Variants in FUT8 observed in about 807,000 individuals in gnomAD.
The protein encoded by FUT8 is alpha-(1,6)-fucosyltransferase.
In FUT8, 29 loss-of-function variants were observed where a neutral mutation model predicts 71.3. That is an observed-to-expected ratio of 0.41 (90% CI 0.30 to 0.55). The LOEUF (loss-of-function observed/expected upper bound fraction) is 0.55, where lower values mean the gene tolerates loss of function less well. Ranked by LOEUF, FUT8 falls within the 20% of genes least tolerant of loss-of-function variation. The pLI is 0.34. For synonymous variants in FUT8, 254 were observed against 239.3 expected (o/e 1.06, Z -0.57); for missense variants, 544 against 702.1 (o/e 0.77, Z 2.55).
chr14:65,500,552 A>G (rs1367584885), intron 2 of FUT8, among the ~76,000 whole-genome samples: 1 of 152,230 alleles, frequency 6.6e-6, no homozygotes, highest in Non-Finnish European at 1.5e-5. Flanking sequence ...ACAGCTGGTT[A>G]GAACTCTTAA....
chr14:65,422,396 T>A (rs1193495187), intron 1 of FUT8, among the ~76,000 whole-genome samples: 3 of 152,168 alleles, frequency 2.0e-5, no homozygotes, highest in Non-Finnish European at 4.4e-5. Flanking sequence ...TCCTGGTGCT[T>A]TTTCTCTTCC....
In FUT8 at chr14:65,421,741, C is replaced by CCCCT. The variant is rs1555359430; in HGVS notation, c.-326+8530_-326+8531insTCCC. Among the ~76,000 whole-genome samples the CCCCT allele has an allele frequency of 1.1e-4, 6 of 53,850 alleles. 1 individual carries two copies. Among genetic ancestry groups the CCCCT allele is most frequent in the African/African-American group, 3.3e-4 (6 of 18,432 alleles). The allele number at this position is 53,850 out of a possible 152,430, so 35.3% of individuals were successfully genotyped here. On this transcript the variant is annotated intron_variant, in intron 1 of 10. Transcript: ENST00000673929. ...TGTATCTTGAAACCCTTTAACCCAC[C>CCCCT]CCCCCCTTTTTTTTTTTTTGCCATA...
At chr14:65,513,847 T>C (rs1882525382) in intron 2 of FUT8, among the ~76,000 whole-genome samples, 1 of 152,230 alleles carries the variant, frequency 6.6e-6, no homozygotes, top group Non-Finnish European at 1.5e-5. Flanking sequence ...TAGGGTTTGT[T>C]TTACATGCAT....
rs79363728 is a variant in FUT8, at chr14:65,700,738, T to C, written c.836-21037T>C. On this transcript the variant is annotated intron_variant, in intron 7 of 10. Transcript: ENST00000673929. ...CAATGAAAGGGTCCTAGTTCTAAGATTTAATGAACACATTCTTGAACCCCC... is the reference window on the plus strand; with the variant it reads ...CAATGAAAGGGTCCTAGTTCTAAGACTTAATGAACACATTCTTGAACCCCC... Among the ~76,000 whole-genome samples the C allele has an allele frequency of 4.9e-3, 754 of 152,342 alleles. 8 individuals carry two copies. The highest frequency in any genetic ancestry group is 0.017 in the African/African-American group (716 of 41,584).
chr14:65,474,456 A>AAAAAAAAAAAAAAAAAAAAAAAAAAC (rs1169769207), intron 2 of FUT8, among the ~76,000 whole-genome samples: 5 of 147,894 alleles, frequency 3.4e-5, no homozygotes, highest in Admixed American at 6.8e-5. Context: ...AAAAAAAAAA[A>AAAAAAAAAAAAAAAAAAAAAAAAAAC]AGCCAGGCGT....
intron 3 of FUT8, among the ~76,000 whole-genome samples, chr14:65,595,602 CTTTTT>C (rs34129010): frequency 3.7e-5 from 3 of 81,758 alleles, no homozygotes; most frequent in East Asian, 3.8e-4. Flanking sequence ...ACACCATTCT[CTTTTT>C]TTTTTTTTTT....
intron 3 of FUT8, among the ~76,000 whole-genome samples, chr14:65,594,506 C>G (rs1887859114): frequency 6.6e-6 from 1 of 152,174 alleles, no homozygotes; most frequent in Non-Finnish European, 1.5e-5. Context: ...TCCTTTGCCT[C>G]ATTGCATTGG....
chr14:65,685,245 C>G (rs1012955829), intron 7 of FUT8, among the ~76,000 whole-genome samples: 3 of 151,918 alleles, frequency 2.0e-5, no homozygotes, highest in African/African-American at 7.3e-5. Flanking sequence ...TTTCCTAATT[C>G]AAAAAGGAGA....
chr14:65,561,792 A>G (rs748992848), intron 3 of FUT8, 26 bp downstream of exon 3: 4 of 1,561,794 alleles, frequency 2.6e-6, no homozygotes, highest in Non-Finnish European at 1.8e-6. Context: ...CTGAATGAAG[A>G]ATGATGAAAT....
chr14:65,742,239 T>C lies in FUT8; in HGVS notation c.1557T>C (p.Asp519=), dbSNP rs372757850. The change falls in exon 11 of 11, where the codon GAT becomes GAC. Residue 519 remains aspartate, a synonymous_variant. Coordinates refer to ENST00000673929, the MANE Select transcript of FUT8 (RefSeq NM_001371533.1). ...ATGCTCACCAACCCCGAACTGCAGA[T>C]GAAATTCCCATGGAACCTGGAGATA... is the stretch of plus-strand genomic sequence containing the variant. ...AIYAHQPRTA[D]EIPMEPGDII... 6 of 1,612,844 alleles carry C rather than the reference T, an allele frequency of 3.7e-6. No individual in the cohort carries two copies. In the African/African-American group the frequency reaches 8.0e-5, roughly 22 times the overall value.
intron 2 of FUT8, among the ~76,000 whole-genome samples, chr14:65,517,173 A>G (rs562697202): frequency 7.2e-5 from 11 of 152,120 alleles, no homozygotes; most frequent in African/African-American, 2.4e-4. Flanking sequence ...TCTGCCATGA[A>G]CTTTGGTATG....
intron 2 of FUT8, among the ~76,000 whole-genome samples, chr14:65,494,091 T>TTA (rs1462622100): frequency 1.3e-5 from 2 of 152,142 alleles, no homozygotes; most frequent in East Asian, 3.8e-4. Flanking sequence ...GGTCATTAGT[T>TTA]TATAGTCCAG....
In FUT8 at chr14:65,561,787, T is replaced by C. The variant is rs3825639; in HGVS notation, c.203+21T>C. 1,096,365 of 1,579,590 alleles carry C rather than the reference T, an allele frequency of 0.69. 382,627 individuals are homozygous for C. Among genetic ancestry groups the C allele is most frequent in the East Asian group, 0.9 (40,222 of 44,598 alleles). On this transcript the variant is annotated intron_variant, in intron 3 of 10. Transcript: ENST00000673929. ...CTCCGGTAGGTCCTAAAATACTGAA[T>C]GAAGAATGATGAAATATTGTACTTT...
At chr14:65,602,030 A>G (rs907757914) in intron 3 of FUT8, among the ~76,000 whole-genome samples, 3 of 151,720 alleles carry the variant, frequency 2.0e-5, no homozygotes, top group Non-Finnish European at 4.4e-5. Context: ...GTATTCCGTT[A>G]TATAAGTTCT....
intron 3 of FUT8, among the ~76,000 whole-genome samples, chr14:65,592,022 C>T (rs1887718646): frequency 6.6e-6 from 1 of 152,006 alleles, no homozygotes; most frequent in Admixed American, 6.6e-5. Context: ...AAGGACATTG[C>T]TTCTAGATCT....
rs1008551177 is a variant in FUT8 at position 65,489,971 on chromosome 14, A to C, written c.-228+34253A>C. Among the ~76,000 whole-genome samples, 2 of 152,142 alleles carry C rather than the reference A, an allele frequency of 1.3e-5. No homozygotes were observed. Among genetic ancestry groups the C allele is most frequent in the African/African-American group, 4.8e-5 (2 of 41,450 alleles). ...TTCTTAATCTATTAGTTGCAGGGCA[A>C]AAATAATAAAATATTAATTATATAG... On this transcript the variant is annotated intron_variant, in intron 2 of 10. Transcript: ENST00000673929. The surrounding 1 kb of genome is among the most constrained non-coding windows in gnomAD (Gnocchi z 4.0).
intron 3 of FUT8, among the ~76,000 whole-genome samples, chr14:65,601,087 A>G (rs1341315394): frequency 6.6e-6 from 1 of 152,190 alleles, no homozygotes; most frequent in African/African-American, 2.4e-5. Context: ...TTATTCTGTT[A>G]AAACTGAGAT....
chr14:65,363,835 A>AG, the FUT8 span, among the ~76,000 whole-genome samples: 1 of 152,228 alleles, frequency 6.6e-6, no homozygotes, highest in Non-Finnish European at 1.5e-5. Flanking sequence ...TTCTTTATGA[A>AG]GGCTGCCATG....
intron 7 of FUT8, among the ~76,000 whole-genome samples, chr14:65,672,763 A>T (rs1220750202): frequency 6.6e-6 from 1 of 152,172 alleles, no homozygotes; most frequent in Non-Finnish European, 1.5e-5. Flanking sequence ...GCCTGGCCTC[A>T]ACAATTTATA....
Sources: gnomAD v4.1 joint callset for allele counts (sites outside exome capture counted in the v4.1 genomes callset) on GRCh38, gnomAD v4.1.1 for gene constraint, Gnocchi (gnomAD v3.1) non-coding constraint, MANE v1.5 for transcripts, NCBI Gene and HGNC (gene_info 2026-07-23, HGNC 2026-07-21) for gene names.